Variants in GPC4 observed in about 807,000 individuals in gnomAD.
GPC4 encodes glypican-4.
In GPC4, 10 loss-of-function variants were observed where a neutral mutation model predicts 35.0. The observed-to-expected ratio is 0.29, with a 90% CI of 0.18 to 0.48. GPC4 has a LOEUF of 0.48. Among genes scored for constraint, GPC4 ranks in the 20% least tolerant of loss-of-function variants. The pLI is 0.99. For missense variants in GPC4, 322 were observed against 451.3 expected (o/e 0.71, Z 2.60); for synonymous variants, 167 against 170.2 (o/e 0.98, Z 0.15).
At chrX:133,347,772 T>C (rs1488443432) in intron 1 of GPC4, among the ~76,000 whole-genome samples, 1 of 110,472 alleles carries the variant, frequency 9.1e-6, no homozygotes, top group Admixed American at 9.5e-5. Context: ...GCATAAAATG[T>C]GCTATGTGCA....
intron 1 of GPC4, among the ~76,000 whole-genome samples, chrX:133,353,812 C>A (rs781414487): frequency 2.2e-4 from 25 of 111,302 alleles, no homozygotes; most frequent in African/African-American, 7.8e-4. Context: ...GAGTCACCTA[C>A]AACTGATGCA....
chrX:133,405,041 G>A (rs1299066268), intron 1 of GPC4, among the ~76,000 whole-genome samples: 1 of 108,244 alleles, frequency 9.2e-6, no homozygotes, highest in Non-Finnish European at 1.9e-5. Context: ...AGGTAAATGT[G>A]TAAGTTAACT....
chrX:133,317,868 CAAAG>C (rs5903856), intron 3 of GPC4, among the ~76,000 whole-genome samples: 40,559 of 109,970 alleles, frequency 0.37, 6,361 homozygotes, highest in African/African-American at 0.59. Context: ...TGCATATACA[CAAAG>C]AAAGGAGGAT....
At chrX:133,382,871 A>G (rs2068669360) in intron 1 of GPC4, among the ~76,000 whole-genome samples, 1 of 112,852 alleles carries the variant, frequency 8.9e-6, no homozygotes, top group Non-Finnish European at 1.9e-5. Context: ...GCAAATGAAA[A>G]CAACAGTGAG....
chrX:133,364,264 T>C (rs1307588570), intron 1 of GPC4, among the ~76,000 whole-genome samples: 1 of 111,730 alleles, frequency 9.0e-6, no homozygotes, highest in Non-Finnish European at 1.9e-5. Flanking sequence ...CCCACCCCAG[T>C]ATAGGGTTTC....
At chrX:133,402,544 A>C (rs936965716) in intron 1 of GPC4, among the ~76,000 whole-genome samples, 5 of 112,144 alleles carry the variant, frequency 4.5e-5, no homozygotes, top group African/African-American at 1.6e-4. Flanking sequence ...CAGGAGAAGA[A>C]GACGGAAGTG....
At chrX:133,309,434 T>C (rs2068304964) in intron 4 of GPC4, among the ~76,000 whole-genome samples, 1 of 112,805 alleles carries the variant, frequency 8.9e-6, no homozygotes, top group Admixed American at 9.4e-5. Context: ...TGATTTGATA[T>C]GGACCTGTAA....
rs192223121 is a variant in GPC4 at position 133,413,429 on chromosome X, C to T, written c.160+1377G>A. 5.3e-5 allele frequency among the ~76,000 whole-genome samples: 6 copies of T among 112,472 alleles called. 1 individual carries two copies. The East Asian group carries it at 1.7e-3, about 32-fold the overall frequency. ...TTTGTAATTAATATGTAATTGATGACTGCACTTAATCTCCAAGGTTATTAA... is the reference window on the plus strand; with the variant it reads ...TTTGTAATTAATATGTAATTGATGATTGCACTTAATCTCCAAGGTTATTAA... On this transcript the variant is annotated intron_variant, in intron 1 of 8. Coordinates refer to ENST00000370828, the MANE Select transcript of GPC4 (RefSeq NM_001448.3).
chrX:133,353,049 C>T (rs890615633), intron 1 of GPC4, among the ~76,000 whole-genome samples: 1 of 111,764 alleles, frequency 8.9e-6, no homozygotes, highest in African/African-American at 3.3e-5. Context: ...AAGAGAGAAA[C>T]CAGTCATTTA....
chrX:133,372,784 G>A (rs2124160284), intron 1 of GPC4, among the ~76,000 whole-genome samples: 1 of 112,340 alleles, frequency 8.9e-6, no homozygotes, highest in South Asian at 3.7e-4. Flanking sequence ...GCTCCTTAGT[G>A]TGTGGCTTTT....
At chrX:133,331,597 C>T (rs1247926276) in intron 2 of GPC4, among the ~76,000 whole-genome samples, 1 of 110,722 alleles carries the variant, frequency 9.0e-6, no homozygotes, top group Non-Finnish European at 1.9e-5. Context: ...TATGGTGAAA[C>T]TCTGTCTCTA....
At chrX:133,311,504 A>G in intron 3 of GPC4, 81 bp from the exon 4 acceptor site, 1 of 919,906 alleles carries the variant, frequency 1.1e-6, no homozygotes, top group Non-Finnish European at 1.6e-6. Context: ...TTGACACTGA[A>G]GGCTTGGCCA....
intron 1 of GPC4, among the ~76,000 whole-genome samples, chrX:133,352,201 A>T (rs192364658): frequency 3.6e-5 from 4 of 112,233 alleles, no homozygotes; most frequent in Non-Finnish European, 7.5e-5. Context: ...GTTTCTTCTC[A>T]CTTTGGAACT....
chrX:133,352,824 C>T (rs1178957810), intron 1 of GPC4, among the ~76,000 whole-genome samples: 1 of 111,205 alleles, frequency 9.0e-6, no homozygotes, highest in Non-Finnish European at 1.9e-5. Flanking sequence ...AACTCAAAGG[C>T]AAGGTATTGA....
At chrX:133,400,310 T>C (rs757086694) in intron 1 of GPC4, among the ~76,000 whole-genome samples, 10 of 112,218 alleles carry the variant, frequency 8.9e-5, no homozygotes, top group Admixed American at 1.9e-4. Context: ...TAAAAAGCAC[T>C]ACTCCTAGAA....
intron 3 of GPC4, among the ~76,000 whole-genome samples, chrX:133,316,488 T>TAGTACAGTATCTCC (rs1300018734): frequency 2.7e-5 from 3 of 111,763 alleles, no homozygotes; most frequent in Non-Finnish European, 5.6e-5. Flanking sequence ...CTCCTAGAAC[T>TAGTACAGTATCTCC]AGTACAGTAT....
At chrX:133,346,500 C>T (rs768699454) in intron 1 of GPC4, among the ~76,000 whole-genome samples, 7 of 111,101 alleles carry the variant, frequency 6.3e-5, no homozygotes, top group Non-Finnish European at 1.3e-4. Context: ...CCATCAAAAG[C>T]GAAGCCACAG....
At chrX:133,306,730 A>G (rs2068292770) in intron 4 of GPC4, among the ~76,000 whole-genome samples, 1 of 112,500 alleles carries the variant, frequency 8.9e-6, no homozygotes, top group African/African-American at 3.2e-5. Flanking sequence ...ACTTTGAATA[A>G]TCCAATTTTT....
chrX:133,302,754 A>G lies in GPC4; in HGVS notation c.*113T>C. The G allele has an allele frequency of 1.4e-6, 1 of 698,328 alleles. No homozygotes were observed. The highest frequency in any genetic ancestry group is 2.1e-6 in the Non-Finnish European group (1 of 465,494). The allele number at this position is 698,328 out of a possible 1,213,427, so 57.6% of individuals were successfully genotyped here. A position where few individuals can be genotyped will look rare whatever the true frequency, so the allele number is the denominator to read the frequency against. ...TCTTAAACCAGTGGCCACATAGTAA[A>G]AACTGTACATTGTTGTCCATTCATT... On this transcript the variant is annotated 3_prime_UTR_variant, in exon 9 of 9. Coordinates refer to ENST00000370828, the MANE Select transcript of GPC4 (RefSeq NM_001448.3).
Sources: allele counts gnomAD v4.1 joint callset (sites outside exome capture counted in the v4.1 genomes callset), GRCh38; gene constraint gnomAD v4.1.1; transcripts MANE v1.5; gene names NCBI Gene and HGNC (gene_info 2026-07-23, HGNC 2026-07-21).